The following SPON1 variants were observed in gnomAD, a reference collection of about 807,000 sequenced individuals.
SPON1 encodes the protein spondin 1.
In SPON1, 52 loss-of-function variants were observed where a neutral mutation model predicts 111.7. The observed-to-expected ratio is 0.47, with a 90% CI of 0.37 to 0.59. SPON1 has a LOEUF of 0.59. Ranked by LOEUF, SPON1 falls within the 20% of genes least tolerant of loss-of-function variation. The pLI, the probability that SPON1 is intolerant of heterozygous loss-of-function variation, is 0.00. For missense variants in SPON1, 957 were observed against 1,068.5 expected (o/e 0.90, Z 1.46); for synonymous variants, 410 against 395.8 (o/e 1.04, Z -0.43).
At chr11:14,240,877 C>T (rs1848918074) in intron 6 of SPON1, among the ~76,000 whole-genome samples, 1 of 151,954 alleles carries the variant, frequency 6.6e-6, no homozygotes, top group Admixed American at 6.6e-5. Flanking sequence ...ACCTGGCTTG[C>T]CATAATTTGA....
At chr11:14,210,695 C>A (rs1332724629) in intron 6 of SPON1, among the ~76,000 whole-genome samples, 3 of 152,066 alleles carry the variant, frequency 2.0e-5, no homozygotes, top group Non-Finnish European at 4.4e-5. Context: ...GCCACCGCAC[C>A]CGGGCATCTA....
intron 6 of SPON1, among the ~76,000 whole-genome samples, chr11:14,200,814 T>TAAAAAA (rs572814576): frequency 3.8e-5 from 3 of 79,350 alleles, no homozygotes; most frequent in Admixed American, 1.5e-4. Context: ...GACCCTGTCT[T>TAAAAAA]AAAAAAAAAA....
intron 5 of SPON1, among the ~76,000 whole-genome samples, chr11:14,133,569 C>G (rs1022504756): frequency 1.1e-4 from 16 of 152,158 alleles, no homozygotes; most frequent in African/African-American, 3.9e-4. Flanking sequence ...GCAGGCAGGA[C>G]ACGCCTAGAA....
At chr11:14,249,975 C>T (rs1483211933) in intron 7 of SPON1, among the ~76,000 whole-genome samples, 1 of 152,192 alleles carries the variant, frequency 6.6e-6, no homozygotes, top group Non-Finnish European at 1.5e-5. Context: ...GGGTTCTTTC[C>T]TCCACACCAT....
chr11:13,986,410 G>A (rs551941029), intron 2 of SPON1, among the ~76,000 whole-genome samples: 4 of 152,086 alleles, frequency 2.6e-5, no homozygotes, highest in Admixed American at 6.5e-5. Context: ...TGTTGGATAC[G>A]TATGATATTG....
intron 5 of SPON1, among the ~76,000 whole-genome samples, chr11:14,100,290 C>T (rs368852153): frequency 7.2e-5 from 11 of 151,958 alleles, no homozygotes; most frequent in African/African-American, 2.4e-4. Context: ...GTTGTTTGTT[C>T]GTTTGATTCC....
intron 3 of SPON1, among the ~76,000 whole-genome samples, chr11:14,062,252 C>G (rs953748493): frequency 6.6e-6 from 1 of 152,192 alleles, no homozygotes; most frequent in Non-Finnish European, 1.5e-5. Context: ...AAGGCAACCC[C>G]AAAATGGCCA....
intron 7 of SPON1, among the ~76,000 whole-genome samples, chr11:14,248,246 C>G (rs1849013238): frequency 6.6e-6 from 1 of 152,236 alleles, no homozygotes; most frequent in Admixed American, 6.5e-5. Flanking sequence ...CAGCCCGGAG[C>G]AGGTGAGCTG....
chr11:14,257,926 G>A, intron 11 of SPON1, 28 bp downstream of exon 11: 1 of 1,499,990 alleles, frequency 6.7e-7, no homozygotes. Context: ...ACCAGCCAGG[G>A]GCTGGCAGGA....
rs1212694993 is a variant in SPON1, at chr11:13,999,904, GTTGGCTGGAGGAAGTAAGT to G, written c.345+16972_345+16990del. ...TCCTTTGTGTTCAGGAGGACTGGGT[GTTGGCTGGAGGAAGTAAGT>G]TTGGCTGGAGGAAGTAAGTTCCCAT... On this transcript the variant is annotated intron_variant, in intron 2 of 15. Transcript: ENST00000576479. Among the ~76,000 whole-genome samples, 10 of 152,282 alleles carry G rather than the reference GTTGGCTGGAGGAAGTAAGT, an allele frequency of 6.6e-5. No individual in the cohort carries two copies. In the South Asian group the frequency reaches 1.7e-3, roughly 25 times the overall value.
At chr11:14,238,404 G>C (rs1554939391) in intron 6 of SPON1, among the ~76,000 whole-genome samples, 1 of 152,180 alleles carries the variant, frequency 6.6e-6, no homozygotes, top group Admixed American at 6.5e-5. Flanking sequence ...GAAAGGGGCA[G>C]GGGGATGTGA....
At chr11:14,090,389 T>C (rs562154484) in intron 5 of SPON1, among the ~76,000 whole-genome samples, 5 of 152,130 alleles carry the variant, frequency 3.3e-5, no homozygotes, top group African/African-American at 7.2e-5. Flanking sequence ...CTGGAATTGG[T>C]GGGTTCTTGG....
At chr11:14,252,168 AAC>A (rs1365534970) in intron 7 of SPON1, among the ~76,000 whole-genome samples, 4 of 152,238 alleles carry the variant, frequency 2.6e-5, no homozygotes, top group African/African-American at 4.8e-5. Flanking sequence ...ACAGCTATGA[AAC>A]ACAGAGTTCC....
chr11:14,060,575 C>T (rs1848784107), intron 3 of SPON1, among the ~76,000 whole-genome samples: 1 of 152,174 alleles, frequency 6.6e-6, no homozygotes, highest in Admixed American at 6.5e-5. Context: ...GCCCTGGCTG[C>T]ATATTGGAAT....
chr11:14,211,892 G>C (rs937651637), intron 6 of SPON1, among the ~76,000 whole-genome samples: 4 of 151,416 alleles, frequency 2.6e-5, no homozygotes. Flanking sequence ...TTTGTCTAAA[G>C]CAATATTATG....
chr11:14,136,397 A>G (rs769704018), intron 6 of SPON1, among the ~76,000 whole-genome samples: 3 of 152,192 alleles, frequency 2.0e-5, no homozygotes, highest in Non-Finnish European at 2.9e-5. Context: ...GGATGTGATC[A>G]TTTTACAACA....
intron 3 of SPON1, among the ~76,000 whole-genome samples, chr11:14,073,104 A>T (rs374668383): frequency 6.6e-5 from 10 of 152,330 alleles, no homozygotes; most frequent in African/African-American, 2.4e-4. Flanking sequence ...CGTTTCAAAC[A>T]TATACATGAA....
intron 6 of SPON1, among the ~76,000 whole-genome samples, chr11:14,235,060 G>C (rs1049365284): frequency 1.3e-5 from 2 of 152,156 alleles, no homozygotes; most frequent in African/African-American, 4.8e-5. Flanking sequence ...ACTGTATGCT[G>C]TCCCTTCCCC....
intron 2 of SPON1, among the ~76,000 whole-genome samples, chr11:13,992,256 G>T (rs1848236846): frequency 6.6e-6 from 1 of 152,200 alleles, no homozygotes. Context: ...GAGATGTCCT[G>T]CCCAGAGAAG....
Sources: gnomAD v4.1 joint callset for allele counts (sites outside exome capture counted in the v4.1 genomes callset) on GRCh38, gnomAD v4.1.1 for gene constraint, MANE v1.5 for transcripts, NCBI Gene and HGNC (gene_info 2026-07-23, HGNC 2026-07-21) for gene names.